PNPLA7: variants seen among roughly 807,000 people sequenced by gnomAD.
PNPLA7 encodes the protein patatin like domain 7, lysophospholipase.
Under a neutral mutation model 161.7 loss-of-function variants are expected in PNPLA7, and 153 were observed. That is an observed-to-expected ratio of 0.95 (90% CI 0.83 to 1.08). PNPLA7 has a LOEUF of 1.08. Ranked by LOEUF, PNPLA7 falls within the 50% of genes least tolerant of loss-of-function variation. The pLI is 0.00. For missense variants in PNPLA7, 1,739 were observed against 1,856.6 expected (o/e 0.94, Z 1.16); for synonymous variants, 809 against 782.1 (o/e 1.03, Z -0.57).
At position 137,523,331 on chromosome 9, in the gene PNPLA7, C is replaced by G. The variant is rs945318225; in HGVS notation, c.748-474G>C. 6.6e-6 allele frequency among the ~76,000 whole-genome samples: 1 copy of G among 151,808 alleles called. No homozygotes were observed. The highest frequency in any genetic ancestry group is 1.5e-5 in the Non-Finnish European group (1 of 67,988). Reference sequence around the variant, plus strand: ...CAAATGCCCACCGCCACAGTGGGGTCACCGCCTAGGACAGGGAGCGCGCAC... The same window carrying G: ...CAAATGCCCACCGCCACAGTGGGGTGACCGCCTAGGACAGGGAGCGCGCAC... On this transcript the variant is annotated intron_variant, in intron 8 of 34. Transcript: ENST00000406427. This position sits in a 1 kb window ranked among gnomAD's most constrained non-coding sequence, Gnocchi z 4.4.
At chr9:137,536,152 C>T (rs1259513908) in intron 8 of PNPLA7, among the ~76,000 whole-genome samples, 1 of 125,850 alleles carries the variant, frequency 7.9e-6, no homozygotes, top group African/African-American at 2.8e-5. Context: ...GACTCCATCA[C>T]AAAAAAAAAA....
intron 20 of PNPLA7, chr9:137,492,394 T>C (rs1036571758): frequency 4.0e-5 from 35 of 883,000 alleles, no homozygotes; most frequent in Non-Finnish European, 4.5e-5. Context: ...TTTCCTCCAG[T>C]GCTGCCCACA....
In PNPLA7 at chr9:137,464,139, C is replaced by T; in HGVS notation, c.3213G>A (p.Arg1071=). ...AGGAGTGCTCACCGTCGGTGTGGAC[C>T]CGCATGGCCGAGGCTGTGATGTCGG... is the stretch of plus-strand genomic sequence containing the variant. The part of the protein sequence containing the change: ...ITTDITASAM[R]VHTDGSLWWY... Residue 1071 remains arginine, a synonymous_variant, in exon 28 of 35, where the codon CGG becomes CGA. Transcript: ENST00000406427. 6.2e-7 allele frequency: 1 copy of T among 1,613,658 alleles called. No individual in the cohort carries two copies. Among genetic ancestry groups the T allele is most frequent in the Non-Finnish European group, 8.5e-7 (1 of 1,179,946 alleles).
In PNPLA7 at chr9:137,506,877, A is replaced by C. The variant is rs1246843487; in HGVS notation, c.1226-794T>G. Among the ~76,000 whole-genome samples, 6 of 152,272 alleles carry C rather than the reference A, an allele frequency of 3.9e-5. No homozygotes were observed. In the East Asian group the frequency reaches 1.2e-3, roughly 29 times the overall value. On this transcript the variant is annotated intron_variant, in intron 12 of 34. Coordinates refer to ENST00000406427, the MANE Select transcript of PNPLA7 (RefSeq NM_001098537.3). Reference sequence around the variant, plus strand: ...GTGCAGCTGCGCATGCGAGCGAGTCATCTGCACTGCGGTTTCCCATCCATA... The same window carrying C: ...GTGCAGCTGCGCATGCGAGCGAGTCCTCTGCACTGCGGTTTCCCATCCATA...
rs1836192743 is a variant in PNPLA7, at chr9:137,541,365, C to T, written c.667-643G>A. 1.0e-6 allele frequency: 1 copy of T among 954,256 alleles called. No individual in the cohort carries two copies. The highest frequency in any genetic ancestry group is 6.2e-5 in the Admixed American group (1 of 16,218). The allele number at this position is 954,256 out of a possible 1,614,324, so 59.1% of individuals were successfully genotyped here. On this transcript the variant is annotated intron_variant, in intron 7 of 34. Coordinates refer to ENST00000406427, the MANE Select transcript of PNPLA7 (RefSeq NM_001098537.3). This position sits in a 1 kb window ranked among gnomAD's most constrained non-coding sequence, Gnocchi z 4.4. ...CTACTGGCTCCAGCTTCCCCCAAGC[C>T]CCTTTCCCTTCTAATAACCCATCAA...
chr9:137,521,803 G>C (rs1171022252), intron 9 of PNPLA7, 87 bp from the exon 10 acceptor site: 13 of 1,204,412 alleles, frequency 1.1e-5, no homozygotes, highest in Non-Finnish European at 1.5e-5. Context: ...ACTGAGAACC[G>C]TGCCCCAAAC....
At chr9:137,481,869 G>C (rs1832238438) in intron 21 of PNPLA7, among the ~76,000 whole-genome samples, 1 of 152,194 alleles carries the variant, frequency 6.6e-6, no homozygotes, top group African/African-American at 2.4e-5. Context: ...TCGGGAGGTG[G>C]AGCTTGCAGT....
chr9:137,470,386 C>T (rs1021766336), intron 25 of PNPLA7, among the ~76,000 whole-genome samples: 3 of 151,952 alleles, frequency 2.0e-5, no homozygotes, highest in Admixed American at 1.3e-4. Flanking sequence ...CCAGTGAAAC[C>T]ATCTGGATAT....
At chr9:137,539,601 G>T (rs142567568) in intron 8 of PNPLA7, among the ~76,000 whole-genome samples, 1 of 152,058 alleles carries the variant, frequency 6.6e-6, no homozygotes. Context: ...CCCAGGAGGC[G>T]GAGGTTGCAA....
chr9:137,516,254 G>A (rs1834563525), intron 11 of PNPLA7: 1 of 930,140 alleles, frequency 1.1e-6, no homozygotes, highest in African/African-American at 1.8e-5. Context: ...TGGTGGATGT[G>A]GCTGTCTGGG....
chr9:137,532,393 C>T (rs1216226223), intron 8 of PNPLA7, among the ~76,000 whole-genome samples: 2 of 152,120 alleles, frequency 1.3e-5, no homozygotes, highest in Admixed American at 6.5e-5. Flanking sequence ...GCCAAGATCA[C>T]GCCACTGCAC....
In PNPLA7 at chr9:137,523,247, A is replaced by G. The variant is rs1008323020; in HGVS notation, c.748-390T>C. Reference sequence around the variant, plus strand: ...TACCCCTCGCCAAAGGGCGTGCCAGACACCAACCTGAGCGGGCTTCCTAAA... The same window carrying G: ...TACCCCTCGCCAAAGGGCGTGCCAGGCACCAACCTGAGCGGGCTTCCTAAA... On this transcript the variant is annotated intron_variant, in intron 8 of 34. Transcript: ENST00000406427. The surrounding 1 kb of genome is among the most constrained non-coding windows in gnomAD (Gnocchi z 4.4). 6.6e-6 allele frequency among the ~76,000 whole-genome samples: 1 copy of G among 152,088 alleles called. No individual in the cohort carries two copies. The highest frequency in any genetic ancestry group is 1.5e-5 in the Non-Finnish European group (1 of 68,004).
In PNPLA7 at chr9:137,460,017, GCAGCAGGCAGTTCACAGGA is replaced by G. The variant is rs1280421836; in HGVS notation, c.*357_*375del. 1.1e-4 allele frequency: 26 copies of G among 228,304 alleles called. No homozygotes were observed. The highest frequency in any genetic ancestry group is 8.0e-4 in the East Asian group (7 of 8,704). 14.1% of individuals were successfully genotyped at this position (228,304 alleles called of 1,614,324 possible). ...CATCAGGGCTCCCACACCTCACAGG[GCAGCAGGCAGTTCACAGGA>G]CAGCAGGCAGTTCACAGGGCTTTGG... On this transcript the variant is annotated 3_prime_UTR_variant, in exon 35 of 35. Transcript: ENST00000406427.
chr9:137,501,602 G>T (rs1199728544), intron 15 of PNPLA7, 48 bp downstream of exon 15: 1 of 1,567,872 alleles, frequency 6.4e-7, no homozygotes, highest in Non-Finnish European at 8.7e-7. Flanking sequence ...TTGGCACTGG[G>T]CTATGGCATT....
chr9:137,501,187 C>A (rs766422981), intron 15 of PNPLA7, among the ~76,000 whole-genome samples: 1 of 152,220 alleles, frequency 6.6e-6, no homozygotes, highest in Non-Finnish European at 1.5e-5. Context: ...CTGGCAAATG[C>A]GCGTCAGCCC....
chr9:137,532,547 G>A (rs1243445764), intron 8 of PNPLA7, among the ~76,000 whole-genome samples: 1 of 152,202 alleles, frequency 6.6e-6, no homozygotes, highest in African/African-American at 2.4e-5. Context: ...AAAGACAAAA[G>A]CTAAGAGTAG....
rs779514030 is a variant in PNPLA7, at chr9:137,462,200, G to A, written c.3624C>T (p.Phe1208=). The part of the protein sequence containing the change: ...PPIDSYSTLD[F]GKFNEICEVG... ...TCACGCAGATCTCGTTGAACTTGCC[G>A]AAGTCCAGGGTGCTGTAGCTGTCGA... The change falls in exon 31 of 35, where the codon TTC becomes TTT. Residue 1208 remains phenylalanine (F), a synonymous_variant. Transcript: ENST00000406427. 5.1e-6 allele frequency: 8 copies of A among 1,572,208 alleles called. No individual in the cohort carries two copies. The Admixed American group carries it at 9.1e-5, about 18-fold the overall frequency.
At chr9:137,505,934 G>A in intron 13 of PNPLA7, 49 bp downstream of exon 13, 1 of 1,564,092 alleles carries the variant, frequency 6.4e-7, no homozygotes, top group Non-Finnish European at 8.7e-7. Context: ...GCAAGCCACG[G>A]AGAGGGTGGG....
Position 137,522,754 on chromosome 9 carries a change from G to C in PNPLA7, c.851C>G (p.Pro284Arg), listed in dbSNP as rs757158027. Residue 284 changes from proline (P) to arginine (R), a missense_variant, in exon 9 of 35, where the codon CCG becomes CGG. Transcript: ENST00000406427. ...CTGCACCACCCTCACCAGAGTTTCCGGATATTTCTCAAAAACTCCATGAAA... is the reference window on the plus strand; with the variant it reads ...CTGCACCACCCTCACCAGAGTTTCCCGATATTTCTCAAAAACTCCATGAAA... ...AAFHGVFEKYPETLVRVVQII... is the reference protein window; with the variant it reads ...AAFHGVFEKYRETLVRVVQII... 3 of 1,613,664 alleles carry C rather than the reference G, an allele frequency of 1.9e-6. No homozygotes were observed. Among genetic ancestry groups the C allele is most frequent in the Admixed American group, 1.7e-5 (1 of 60,016 alleles).
Sources: gnomAD v4.1 joint callset for allele counts (sites outside exome capture counted in the v4.1 genomes callset) on GRCh38, gnomAD v4.1.1 for gene constraint, Gnocchi (gnomAD v3.1) non-coding constraint, MANE v1.5 for transcripts, NCBI Gene and HGNC (gene_info 2026-07-23, HGNC 2026-07-21) for gene names.